The following CNBD1 variants were observed in gnomAD, a reference collection of about 807,000 sequenced individuals.
CNBD1 encodes the protein cyclic nucleotide binding domain containing 1.
A neutral mutation model predicts 54.4 loss-of-function variants in CNBD1; 71 were observed. That is an observed-to-expected ratio of 1.30 (90% confidence interval 1.08 to 1.59). CNBD1 has a LOEUF of 1.59. Among genes scored for constraint, CNBD1 ranks in the 40% most tolerant of loss-of-function variants. The probability of loss-of-function intolerance (pLI) is 0.00; values close to 1 mark genes in which losing one functional copy is unlikely to be tolerated. For missense variants in CNBD1, 659 were observed against 518.0 expected, an observed-to-expected ratio of 1.27 and a Z score of -2.64; for synonymous variants, 182 against 170.7, an observed-to-expected ratio of 1.07 and a Z score of -0.51.
rs146559177 is a variant in CNBD1, at chr8:87,237,817, A to G, written c.771+705A>G. On this transcript the variant is annotated intron_variant, in intron 6 of 10. Coordinates refer to ENST00000518476, the MANE Select transcript of CNBD1 (RefSeq NM_173538.3). ...ATCAGAAAAATCCAGAACTAATATCATATTCAAGAGAAATAAGCATGGATC... is the reference window on the plus strand; with the variant it reads ...ATCAGAAAAATCCAGAACTAATATCGTATTCAAGAGAAATAAGCATGGATC... Among the ~76,000 whole-genome samples the G allele has an allele frequency of 1.3e-3, 192 of 152,266 alleles. 1 individual carries two copies. Among genetic ancestry groups the G allele is most frequent in the East Asian group, 7.3e-3 (38 of 5,180 alleles).
intron 2 of CNBD1, among the ~76,000 whole-genome samples, chr8:87,421,035 G>A (rs146891061): frequency 1.1e-3 from 160 of 152,024 alleles, no homozygotes; most frequent in Middle Eastern, 6.8e-3. Flanking sequence ...CAAAATCGGT[G>A]CAGATAGCAA....
intron 4 of CNBD1, among the ~76,000 whole-genome samples, chr8:87,099,521 A>G (rs992210622): frequency 4.0e-4 from 61 of 152,312 alleles, no homozygotes; most frequent in African/African-American, 1.4e-3. Context: ...GATGACCAGG[A>G]TGAATTTGAC....
chr8:87,297,948 C>CTATATTCTATATATTCTCT (rs1808911539), intron 8 of CNBD1, among the ~76,000 whole-genome samples: 1 of 150,802 alleles, frequency 6.6e-6, no homozygotes, highest in African/African-American at 2.4e-5. Flanking sequence ...ATATATTCTC[C>CTATATTCTATATATTCTCT]CTACATATTC....
chr8:86,898,717 A>G (rs1808884024), intron 2 of CNBD1, among the ~76,000 whole-genome samples: 1 of 152,148 alleles, frequency 6.6e-6, no homozygotes, highest in Non-Finnish European at 1.5e-5. Context: ...GTATAAAACC[A>G]TATAAGATAA....
intron 4 of CNBD1, among the ~76,000 whole-genome samples, chr8:86,955,361 C>CAT (rs1807737570): frequency 6.6e-6 from 1 of 152,190 alleles, no homozygotes; most frequent in Admixed American, 6.5e-5. Flanking sequence ...AATGGGATGC[C>CAT]TGGGTCAAAT....
chr8:86,868,007 C>T (rs1808388852), intron 1 of CNBD1, among the ~76,000 whole-genome samples: 2 of 152,126 alleles, frequency 1.3e-5, no homozygotes, highest in African/African-American at 4.8e-5. Context: ...TCTTTGAGGA[C>T]GTGCCCTGCT....
At chr8:87,139,314 A>G (rs987328011) in intron 4 of CNBD1, among the ~76,000 whole-genome samples, 14 of 152,212 alleles carry the variant, frequency 9.2e-5, no homozygotes, top group Non-Finnish European at 1.3e-4. Context: ...GGTTGAAGAA[A>G]GGATAACACC....
chr8:87,261,862 T>A (rs1430345850), intron 6 of CNBD1, among the ~76,000 whole-genome samples: 1 of 151,836 alleles, frequency 6.6e-6, no homozygotes, highest in Non-Finnish European at 1.5e-5. Context: ...AAATGCAACA[T>A]AGGCCAGGTG....
At chr8:87,083,341 C>A (rs1811033378) in intron 4 of CNBD1, among the ~76,000 whole-genome samples, 1 of 152,120 alleles carries the variant, frequency 6.6e-6, no homozygotes, top group Non-Finnish European at 1.5e-5. Flanking sequence ...AGTCTAGCAC[C>A]TTTTAAAGGT....
At chr8:87,254,165 A>C (rs1807962690) in intron 6 of CNBD1, among the ~76,000 whole-genome samples, 1 of 152,198 alleles carries the variant, frequency 6.6e-6, no homozygotes. Flanking sequence ...ATGAGTTCTC[A>C]GGCAACGCAG....
At chr8:87,188,820 CT>C (rs33963727) in intron 4 of CNBD1, among the ~76,000 whole-genome samples, 68,428 of 128,418 alleles carry the variant, frequency 0.53, 17,391 homozygotes, top group Non-Finnish European at 0.58. Flanking sequence ...AGTAAAGCGT[CT>C]TTTTTTTTTT....
At chr8:87,173,347 G>GT (rs1291867359) in intron 4 of CNBD1, among the ~76,000 whole-genome samples, 1 of 152,110 alleles carries the variant, frequency 6.6e-6, no homozygotes. Flanking sequence ...AATATTCTGT[G>GT]TTTTTCTGTG....
intron 4 of CNBD1, among the ~76,000 whole-genome samples, chr8:87,067,269 G>A (rs925370421): frequency 6.6e-6 from 1 of 151,854 alleles, no homozygotes; most frequent in Non-Finnish European, 1.5e-5. Flanking sequence ...TTGGAAAAAA[G>A]TTGGAGAAAG....
chr8:87,277,710 G>T (rs10103909), intron 6 of CNBD1, among the ~76,000 whole-genome samples: 1 of 151,230 alleles, frequency 6.6e-6, no homozygotes, highest in Non-Finnish European at 1.5e-5. Context: ...TCAATTATTG[G>T]TTGGGGCCAT....
chr8:86,878,196 A>G (rs1235617081), intron 1 of CNBD1, among the ~76,000 whole-genome samples: 2 of 151,458 alleles, frequency 1.3e-5, no homozygotes, highest in Non-Finnish European at 2.9e-5. Flanking sequence ...ACTGCATACT[A>G]TTTGATTTTT....
chr8:87,041,810 GAA>G (rs1168283905), intron 4 of CNBD1, among the ~76,000 whole-genome samples: 1 of 152,058 alleles, frequency 6.6e-6, no homozygotes, highest in East Asian at 1.9e-4. Context: ...AAAAAAATAA[GAA>G]AACCATCTAT....
chr8:87,071,148 T>G (rs959814223), intron 4 of CNBD1, among the ~76,000 whole-genome samples: 1 of 152,128 alleles, frequency 6.6e-6, no homozygotes, highest in Non-Finnish European at 1.5e-5. Context: ...AATGTTTTAG[T>G]GAATGTTTAA....
intron 3 of CNBD1, among the ~76,000 whole-genome samples, chr8:86,936,866 G>C (rs978958761): frequency 2.0e-5 from 3 of 152,098 alleles, no homozygotes; most frequent in Non-Finnish European, 4.4e-5. Flanking sequence ...AAAGGTACAG[G>C]TAATTGTGAA....
chr8:87,409,403 C>T (rs1301877826), intron 2 of CNBD1, among the ~76,000 whole-genome samples: 1 of 152,142 alleles, frequency 6.6e-6, no homozygotes, highest in East Asian at 1.9e-4. Context: ...TGTTCATGAG[C>T]TTTAAGGAAA....
Sources: allele counts gnomAD v4.1 joint callset (sites outside exome capture counted in the v4.1 genomes callset), GRCh38; gene constraint gnomAD v4.1.1; transcripts MANE v1.5; gene names NCBI Gene and HGNC (gene_info 2026-07-23, HGNC 2026-07-21).